SOX6: variants seen among roughly 807,000 people sequenced by gnomAD.
SOX6 encodes the protein transcription factor SOX-6.
Under a neutral mutation model 97.8 loss-of-function variants are expected in SOX6, and 11 were observed. That is an observed-to-expected ratio of 0.11 (90% CI 0.07 to 0.19). The LOEUF (loss-of-function observed/expected upper bound fraction) is 0.19, where lower values mean the gene tolerates loss of function less well. Ranked by LOEUF, SOX6 falls within the 10% of genes least tolerant of loss-of-function variation. The pLI is 1.00. For missense variants in SOX6, 810 were observed against 1,039.5 expected (o/e 0.78, Z 3.04); for synonymous variants, 360 against 371.4 (o/e 0.97, Z 0.35).
chr11:16,288,945 C>T (rs895629392), intron 3 of SOX6, among the ~76,000 whole-genome samples: 6 of 151,896 alleles, frequency 4.0e-5, no homozygotes, highest in African/African-American at 1.4e-4. Flanking sequence ...TAATTTCTGA[C>T]CTTTGTTTTT....
intron 4 of SOX6, among the ~76,000 whole-genome samples, chr11:16,233,738 G>A (rs370804473): frequency 6.6e-5 from 10 of 152,006 alleles, no homozygotes; most frequent in East Asian, 3.9e-4. Flanking sequence ...GGCCCGGTGC[G>A]GTGACTCACA....
At chr11:16,095,764 A>C (rs1216154950) in intron 9 of SOX6, among the ~76,000 whole-genome samples, 1 of 151,830 alleles carries the variant, frequency 6.6e-6, no homozygotes, top group Non-Finnish European at 1.5e-5. Context: ...TTTTGTGTGA[A>C]TATATATGGC....
At chr11:16,538,044 A>G (rs1207942451) in intron 4 of SOX6, among the ~76,000 whole-genome samples, 1 of 152,196 alleles carries the variant, frequency 6.6e-6, no homozygotes, top group Non-Finnish European at 1.5e-5. Context: ...CAAGGTTAAA[A>G]TGAAGGAAAA....
intron 6 of SOX6, among the ~76,000 whole-genome samples, chr11:16,135,211 C>A (rs1849930308): frequency 6.6e-6 from 1 of 152,096 alleles, no homozygotes; most frequent in South Asian, 2.1e-4. Flanking sequence ...ATGCAGATCA[C>A]CCAAGAACTC....
chr11:16,295,223 G>C (rs981037323), intron 3 of SOX6, among the ~76,000 whole-genome samples: 1 of 151,994 alleles, frequency 6.6e-6, no homozygotes, highest in Non-Finnish European at 1.5e-5. Flanking sequence ...AGTTCTACGA[G>C]ACTTATTTAA....
At chr11:16,454,809 A>T (rs1859784595) in intron 1 of SOX6, among the ~76,000 whole-genome samples, 2 of 152,134 alleles carry the variant, frequency 1.3e-5, no homozygotes, top group African/African-American at 4.8e-5. Flanking sequence ...TAAGGAAGAC[A>T]CACCTACAAA....
At chr11:16,438,848 C>G (rs1029331755) in intron 1 of SOX6, among the ~76,000 whole-genome samples, 1 of 152,180 alleles carries the variant, frequency 6.6e-6, no homozygotes, top group Non-Finnish European at 1.5e-5. Context: ...CTTGCTCGCT[C>G]CTTACCTCCT....
intron 4 of SOX6, among the ~76,000 whole-genome samples, chr11:16,583,725 G>A (rs1410556407): frequency 4.0e-5 from 6 of 149,838 alleles, no homozygotes; most frequent in Non-Finnish European, 8.9e-5. Flanking sequence ...ATAAACATAA[G>A]AGGGCAGATA....
At chr11:16,099,337 A>C (rs2133978113) in intron 7 of SOX6, among the ~76,000 whole-genome samples, 1 of 151,994 alleles carries the variant, frequency 6.6e-6, no homozygotes, top group South Asian at 2.1e-4. Context: ...TATTTAAACT[A>C]AATTATCTGA....
chr11:16,537,649 A>G (rs759689611), intron 4 of SOX6, among the ~76,000 whole-genome samples: 1 of 152,208 alleles, frequency 6.6e-6, no homozygotes, highest in Non-Finnish European at 1.5e-5. Context: ...ATGGAGCTGA[A>G]AACCACAGCA....
chr11:15,978,056 G>C (rs778180866), intron 15 of SOX6, among the ~76,000 whole-genome samples: 1 of 151,856 alleles, frequency 6.6e-6, no homozygotes, highest in Non-Finnish European at 1.5e-5. Flanking sequence ...GAAACTATCT[G>C]TTTTTGTTTA....
chr11:16,109,223 C>A (rs190676962), intron 7 of SOX6, among the ~76,000 whole-genome samples: 12 of 151,846 alleles, frequency 7.9e-5, no homozygotes, highest in Admixed American at 3.3e-4. Context: ...GTTTTTGAGA[C>A]AGGGTCTCAC....
rs139551275 is a variant in SOX6 at position 16,082,534 on chromosome 11, A to G, written c.1101+13462T>C. ...AAACTGCAGATTACAGGATTTCCCC[A>G]AATCCCCAGGAAATGGTTGGACCTT... On this transcript the variant is annotated intron_variant, in intron 9 of 15. Transcript: ENST00000683767. Among the ~76,000 whole-genome samples the G allele has an allele frequency of 9.8e-4, 150 of 152,306 alleles. 1 individual carries two copies. The Middle Eastern group carries it at 0.02, about 21-fold the overall frequency.
intron 1 of SOX6, among the ~76,000 whole-genome samples, chr11:16,388,390 T>C (rs1433496915): frequency 6.6e-6 from 1 of 152,232 alleles, no homozygotes; most frequent in Admixed American, 6.5e-5. Context: ...TCTTATAATT[T>C]TTTCAGGTTT....
chr11:16,335,644 G>A (rs1244234672), intron 2 of SOX6, among the ~76,000 whole-genome samples: 8 of 152,100 alleles, frequency 5.3e-5, no homozygotes, highest in African/African-American at 1.9e-4. Context: ...TCTTCTCAAA[G>A]TCTGTCATAA....
intron 3 of SOX6, among the ~76,000 whole-genome samples, chr11:16,699,436 G>A (rs1489531337): frequency 6.6e-6 from 1 of 151,880 alleles, no homozygotes; most frequent in Non-Finnish European, 1.5e-5. Context: ...ATTACTTGGG[G>A]TGCTTATTTA....
intron 9 of SOX6, among the ~76,000 whole-genome samples, chr11:16,062,720 C>T (rs796825768): frequency 6.6e-6 from 1 of 151,664 alleles, no homozygotes; most frequent in African/African-American, 2.4e-5. Context: ...TATAAAATTA[C>T]TTATTTTATA....
At chr11:16,562,614 C>T (rs1467211443) in intron 4 of SOX6, among the ~76,000 whole-genome samples, 1 of 152,040 alleles carries the variant, frequency 6.6e-6, no homozygotes, top group Non-Finnish European at 1.5e-5. Context: ...CCAATACCCA[C>T]CCCCGGAAAT....
At chr11:16,024,453 A>G (rs1855160594) in intron 12 of SOX6, among the ~76,000 whole-genome samples, 1 of 151,090 alleles carries the variant, frequency 6.6e-6, no homozygotes, top group Non-Finnish European at 1.5e-5. Flanking sequence ...ACAATTATCT[A>G]GAAACTTTTT....
Sources: allele counts gnomAD v4.1 joint callset (sites outside exome capture counted in the v4.1 genomes callset), GRCh38; gene constraint gnomAD v4.1.1; transcripts MANE v1.5; gene names NCBI Gene and HGNC (gene_info 2026-07-23, HGNC 2026-07-21).